The following LRRC20 variants were observed in gnomAD, a reference collection of about 807,000 sequenced individuals.
The protein encoded by LRRC20 is leucine rich repeat containing 20.
LRRC20 carries 11 observed loss-of-function variants against 14.4 expected under a neutral mutation model. The observed-to-expected ratio is 0.77, with a 90% CI of 0.48 to 1.27. The LOEUF is 1.27. LRRC20 is among the 50% of genes most tolerant of loss of function. The probability of loss-of-function intolerance (pLI) is 0.00; values close to 1 mark genes in which losing one functional copy is unlikely to be tolerated. For missense variants in LRRC20, 219 were observed against 251.2 expected (o/e 0.87, Z 0.87); for synonymous variants, 121 against 107.3 (o/e 1.13, Z -0.79).
At chr10:70,377,348 A>G (rs1413651764) in intron 1 of LRRC20, among the ~76,000 whole-genome samples, 1 of 152,186 alleles carries the variant, frequency 6.6e-6, no homozygotes, top group East Asian at 1.9e-4. Flanking sequence ...AAAGGTGAGG[A>G]AAACAAAATG....
chr10:70,375,196 T>C (rs1474969353), intron 2 of LRRC20, among the ~76,000 whole-genome samples: 4 of 152,238 alleles, frequency 2.6e-5, no homozygotes, highest in Non-Finnish European at 4.4e-5. Flanking sequence ...CCAACACCAA[T>C]GACAATCTTC....
chr10:70,319,393 CAT>C (rs1216472146), intron 4 of LRRC20, among the ~76,000 whole-genome samples: 2 of 152,190 alleles, frequency 1.3e-5, no homozygotes, highest in African/African-American at 2.4e-5. Flanking sequence ...ACCTTCAAGT[CAT>C]GTGTGTTGGC....
intron 2 of LRRC20, among the ~76,000 whole-genome samples, chr10:70,363,584 A>C (rs554437112): frequency 1.6e-4 from 25 of 152,328 alleles, no homozygotes; most frequent in Non-Finnish European, 2.8e-4. Context: ...ATGTTGCTAA[A>C]CATCTTACCA....
rs1364795290 is a variant in LRRC20, at chr10:70,382,582, A to G, written c.-97T>C. The G allele has an allele frequency of 1.3e-5, 2 of 151,618 alleles. No homozygotes were observed. Among genetic ancestry groups the G allele is most frequent in the South Asian group, 2.1e-4 (1 of 4,826 alleles). The allele number at this position is 151,618 out of a possible 1,614,324, so 9.4% of individuals were successfully genotyped here. Reference sequence around the variant, plus strand: ...TGCCTCCTAGCGCCCTGCGCAGCGCAGTCACGCTCCCTCCGCCGCCGGCGG... The same window carrying G: ...TGCCTCCTAGCGCCCTGCGCAGCGCGGTCACGCTCCCTCCGCCGCCGGCGG... On this transcript the variant is annotated 5_prime_UTR_variant, in exon 1 of 5. Transcript: ENST00000446961.
intron 1 of LRRC20, among the ~76,000 whole-genome samples, chr10:70,382,179 C>T (rs901241569): frequency 1.3e-5 from 2 of 152,216 alleles, no homozygotes; most frequent in Non-Finnish European, 2.9e-5. Flanking sequence ...GCTTCGGGGA[C>T]GAAATGCACA....
chr10:70,299,117 G>A lies in LRRC20; in HGVS notation c.*2237C>T, dbSNP rs1266349581. 4 of 152,568 alleles carry A rather than the reference G, an allele frequency of 2.6e-5. No individual in the cohort carries two copies. Among genetic ancestry groups the A allele is most frequent in the Admixed American group, 2.0e-4 (3 of 15,280 alleles). The allele number at this position is 152,568 out of a possible 1,614,324, so 9.5% of individuals were successfully genotyped here. ...CAAGCAGAGGAGAAAACAACTTCCAGAAGCTGCCCCTTCAAAGGCCTGAGG... is the reference window on the plus strand; with the variant it reads ...CAAGCAGAGGAGAAAACAACTTCCAAAAGCTGCCCCTTCAAAGGCCTGAGG... On this transcript the variant is annotated 3_prime_UTR_variant, in exon 5 of 5. Transcript: ENST00000446961.
chr10:70,362,598 A>G (rs75391127), intron 2 of LRRC20, among the ~76,000 whole-genome samples: 5,749 of 152,318 alleles, frequency 0.038, 165 homozygotes, highest in East Asian at 0.055. Flanking sequence ...AGCCTCCTGT[A>G]AAACAGAACT....
chr10:70,324,452 C>A (rs900378755), intron 3 of LRRC20, among the ~76,000 whole-genome samples: 5 of 152,258 alleles, frequency 3.3e-5, no homozygotes, highest in African/African-American at 1.2e-4. Flanking sequence ...CCATGGCCCT[C>A]CCTGCTCAAG....
intron 4 of LRRC20, among the ~76,000 whole-genome samples, chr10:70,315,066 T>A (rs1241406626): frequency 6.6e-6 from 1 of 152,196 alleles, no homozygotes; most frequent in Non-Finnish European, 1.5e-5. Context: ...GTGCCTCGGT[T>A]TCCTCACCTG....
chr10:70,371,282 TG>T (rs965270205), intron 2 of LRRC20, among the ~76,000 whole-genome samples: 1 of 151,878 alleles, frequency 6.6e-6, no homozygotes, highest in Non-Finnish European at 1.5e-5. Flanking sequence ...ACACTACAGG[TG>T]TGTGCCACTG....
chr10:70,376,484 T>C lies in LRRC20; in HGVS notation c.50A>G (p.Asn17Ser). Residue 17 changes from asparagine to serine, a missense_variant, in exon 2 of 5, where the codon AAC (asparagine) becomes AGC (serine). Asn to Ser is a conservative substitution (Grantham distance 46, BLOSUM62 1). Coordinates refer to ENST00000446961, the MANE Select transcript of LRRC20 (RefSeq NM_001278212.2). ...GTCAGAGCCGCTCTCCACCGTCTCG[T>C]TGACCTTCCTTGCTACTCTGGCCAC... ...EAVARVARKVNETVESGSDTL... is the reference protein window; with the variant it reads ...EAVARVARKVSETVESGSDTL... The C allele has an allele frequency of 1.2e-6, 2 of 1,614,116 alleles. No homozygotes were observed. The highest frequency in any genetic ancestry group is 1.7e-5 in the Admixed American group (1 of 60,024).
rs1156822848 is a variant in LRRC20, at chr10:70,300,687, C to A, written c.*667G>T. ...AATGACAGAGCTGACGTGACTTGCTCCCCATTCCCAGCCTGCTGGTCCTCG... is the reference window on the plus strand; with the variant it reads ...AATGACAGAGCTGACGTGACTTGCTACCCATTCCCAGCCTGCTGGTCCTCG... On this transcript the variant is annotated 3_prime_UTR_variant, in exon 5 of 5. Coordinates refer to ENST00000446961, the MANE Select transcript of LRRC20 (RefSeq NM_001278212.2). 3.0e-6 allele frequency: 3 copies of A among 985,516 alleles called. No homozygotes were observed. The East Asian group carries it at 3.4e-4, about 112-fold the overall frequency. The allele number at this position is 985,516 out of a possible 1,614,324, so 61.0% of individuals were successfully genotyped here.
At chr10:70,341,138 T>C (rs141439315) in intron 2 of LRRC20, among the ~76,000 whole-genome samples, 37 of 152,306 alleles carry the variant, frequency 2.4e-4, no homozygotes, top group African/African-American at 8.2e-4. Context: ...ACAGACTTTA[T>C]GGTTTGATCT....
intron 1 of LRRC20, among the ~76,000 whole-genome samples, chr10:70,377,104 C>T (rs755873700): frequency 1.3e-4 from 20 of 152,180 alleles, no homozygotes; most frequent in Non-Finnish European, 1.9e-4. Flanking sequence ...AGTGGGGACA[C>T]GAAGGCAAAT....
intron 2 of LRRC20, among the ~76,000 whole-genome samples, chr10:70,343,634 G>A (rs1420023548): frequency 1.3e-5 from 2 of 152,188 alleles, no homozygotes; most frequent in Admixed American, 1.3e-4. Flanking sequence ...CAGGCACTGT[G>A]GGCTCAGAGT....
chr10:70,360,724 T>C (rs1843689268), intron 2 of LRRC20, among the ~76,000 whole-genome samples: 1 of 152,170 alleles, frequency 6.6e-6, no homozygotes, highest in Non-Finnish European at 1.5e-5. Flanking sequence ...ATTACAGGTG[T>C]GAGCCACCAC....
chr10:70,324,167 G>A (rs376912948), intron 3 of LRRC20, 137 bp from the exon 4 acceptor site: 49 of 718,866 alleles, frequency 6.8e-5, no homozygotes, highest in South Asian at 3.4e-4. Context: ...AGGGAGCCCC[G>A]CACAGGGCTG....
intron 4 of LRRC20, among the ~76,000 whole-genome samples, chr10:70,309,110 C>A (rs74139020): frequency 0.013 from 2,019 of 152,302 alleles, 51 homozygotes; most frequent in African/African-American, 0.046. Flanking sequence ...CAGCCAGCAG[C>A]GTGGGCAGGG....
chr10:70,362,327 A>G (rs113870631), intron 2 of LRRC20, among the ~76,000 whole-genome samples: 267 of 152,390 alleles, frequency 1.8e-3, no homozygotes, highest in African/African-American at 6.3e-3. Flanking sequence ...CAAAGGACTG[A>G]TAGTCTGGGC....
Sources: gnomAD v4.1 joint callset for allele counts (sites outside exome capture counted in the v4.1 genomes callset) on GRCh38, gnomAD v4.1.1 for gene constraint, MANE v1.5 for transcripts, NCBI Gene and HGNC (gene_info 2026-07-23, HGNC 2026-07-21) for gene names.